The following DNAH7 variants were observed in gnomAD, a reference collection of about 807,000 sequenced individuals.
DNAH7 encodes dynein axonemal heavy chain 7.
DNAH7 carries 397 observed loss-of-function variants against 444.6 expected under a neutral mutation model. The observed-to-expected ratio is 0.89, with a 90% confidence interval of 0.82 to 0.97. The LOEUF (loss-of-function observed/expected upper bound fraction) is 0.97, where lower values mean the gene tolerates loss of function less well. DNAH7 is among the 50% of genes least tolerant of loss of function. The probability of loss-of-function intolerance (pLI) is 0.00; values close to 1 mark genes in which losing one functional copy is unlikely to be tolerated. For missense variants in DNAH7, 4,902 were observed against 4,800.8 expected (o/e 1.02, Z -0.62); for synonymous variants, 1,636 against 1,624.4 (o/e 1.01, Z -0.17).
chr2:196,012,288 C>T (rs1039162473), intron 10 of DNAH7, among the ~76,000 whole-genome samples: 11 of 152,092 alleles, frequency 7.2e-5, no homozygotes, highest in Non-Finnish European at 1.2e-4. Flanking sequence ...CTATTCCATT[C>T]CGAAAAGCCA....
chr2:195,939,835 G>A (rs1689301507), intron 19 of DNAH7, among the ~76,000 whole-genome samples: 1 of 151,438 alleles, frequency 6.6e-6, no homozygotes, highest in Non-Finnish European at 1.5e-5. Flanking sequence ...AAGTTTCATA[G>A]AAAATACGGT....
intron 5 of DNAH7, among the ~76,000 whole-genome samples, chr2:196,033,715 A>G (rs1161668593): frequency 1.3e-5 from 2 of 152,300 alleles, no homozygotes; most frequent in Non-Finnish European, 2.9e-5. Context: ...GGTTGATTAC[A>G]TAACTCAGCT....
intron 15 of DNAH7, among the ~76,000 whole-genome samples, chr2:195,974,662 T>C (rs543127681): frequency 2.3e-4 from 35 of 152,156 alleles, no homozygotes; most frequent in African/African-American, 8.2e-4. Context: ...ACTACATTTA[T>C]AATCATTCAT....
At chr2:195,822,064 T>C (rs929685423) in intron 49 of DNAH7, among the ~76,000 whole-genome samples, 4 of 152,210 alleles carry the variant, frequency 2.6e-5, no homozygotes, top group Non-Finnish European at 4.4e-5. Flanking sequence ...ATAGACTACA[T>C]AGATATAATC....
At chr2:196,021,308 C>T (rs891376638) in intron 8 of DNAH7, among the ~76,000 whole-genome samples, 5 of 152,202 alleles carry the variant, frequency 3.3e-5, no homozygotes, top group South Asian at 2.1e-4. Flanking sequence ...ATAAATGTAA[C>T]GTTAGGCTTA....
At chr2:195,902,256 C>A (rs967710528) in intron 27 of DNAH7, 5 of 151,980 alleles carry the variant, frequency 3.3e-5, no homozygotes, top group African/African-American at 1.2e-4. Flanking sequence ...TAGTTAGAGG[C>A]CATAGTGCTG....
intron 15 of DNAH7, among the ~76,000 whole-genome samples, chr2:195,983,376 A>G (rs1692699726): frequency 6.6e-6 from 1 of 152,172 alleles, no homozygotes; most frequent in Non-Finnish European, 1.5e-5. Flanking sequence ...TACAAGAAGC[A>G]TGGTGCCAGC....
chr2:195,857,817 C>G (rs10497771), intron 43 of DNAH7, 94 bp from the exon 44 acceptor site: 156,668 of 1,037,512 alleles, frequency 0.15, 13,187 homozygotes, highest in Middle Eastern at 0.23. Flanking sequence ...TACAGAAACT[C>G]ACTGTGTTCA....
At chr2:196,006,799 C>A (rs1694403798) in intron 10 of DNAH7, among the ~76,000 whole-genome samples, 1 of 151,868 alleles carries the variant, frequency 6.6e-6, no homozygotes, top group Admixed American at 6.6e-5. Context: ...ATTTACATAG[C>A]ATCAAGAAGA....
chr2:195,802,795 T>C (rs1696535594), intron 54 of DNAH7, among the ~76,000 whole-genome samples: 1 of 152,178 alleles, frequency 6.6e-6, no homozygotes, highest in Non-Finnish European at 1.5e-5. Flanking sequence ...TTTTAGGGTA[T>C]CCGTTACCCA....
Position 195,757,114 on chromosome 2 carries a change from C to T in DNAH7, c.11434-829G>A, listed in dbSNP as rs559126984. Among the ~76,000 whole-genome samples the T allele has an allele frequency of 1.1e-4, 17 of 152,234 alleles. No individual in the cohort carries two copies. The East Asian group carries it at 2.5e-3, about 22-fold the overall frequency. On this transcript the variant is annotated intron_variant, in intron 61 of 64. Transcript: ENST00000312428. ...AAGTGCTGGGATTAAAGGCATGAGC[C>T]ACTGCACCTGCACCTGAGCTAACCA...
At chr2:195,930,113 G>C (rs891517705) in intron 21 of DNAH7, among the ~76,000 whole-genome samples, 1 of 152,122 alleles carries the variant, frequency 6.6e-6, no homozygotes, top group African/African-American at 2.4e-5. Context: ...GGGAGGTCAA[G>C]ACAGGTGGAT....
chr2:195,815,743 C>G (rs1697186844), intron 51 of DNAH7, among the ~76,000 whole-genome samples: 1 of 152,206 alleles, frequency 6.6e-6, no homozygotes, highest in Non-Finnish European at 1.5e-5. Flanking sequence ...TGGCTCACGC[C>G]TGTAATCCCA....
In DNAH7 at chr2:195,906,677, T is replaced by A; in HGVS notation, c.4317A>T (p.Glu1439Asp). 6.2e-7 allele frequency: 1 copy of A among 1,613,038 alleles called. No homozygotes were observed. Residue 1439 changes from glutamate (E) to aspartate (D), a missense_variant, in exon 27 of 65, where the codon GAA (glutamate) becomes GAT (aspartate). Glu to Asp is a conservative substitution (Grantham distance 45). Coordinates refer to ENST00000312428, the MANE Select transcript of DNAH7 (RefSeq NM_018897.3). ...TCCATACCTTCAGGTTATCTGGCAG[T>A]TCTGATCGCCCAGCATACCCAGGGT... ...TMNPGYAGRS[E>D]LPDNLKALFR...
At chr2:196,062,710 A>G (rs775701400) in intron 1 of DNAH7, among the ~76,000 whole-genome samples, 1 of 151,978 alleles carries the variant, frequency 6.6e-6, no homozygotes, top group Non-Finnish European at 1.5e-5. Flanking sequence ...ATCTCCTTTC[A>G]CTTTATTGAA....
At chr2:195,906,611 T>C (rs769839531) in intron 27 of DNAH7, 48 bp downstream of exon 27, 8 of 1,569,396 alleles carry the variant, frequency 5.1e-6, no homozygotes, top group Non-Finnish European at 6.9e-6. Flanking sequence ...TATATTAACT[T>C]TGTAAATTAT....
Position 195,782,895 on chromosome 2 carries a change from G to GC in DNAH7, c.10878+4114dup, listed in dbSNP as rs1055374370. The stretch of plus-strand genomic sequence containing the variant: ...TTCTCTTCTTTTTCTACAGCACAAG[G>GC]CCCCCCCTTTAAATCTCATCTATTT... On this transcript the variant is annotated intron_variant, in intron 58 of 64. Coordinates refer to ENST00000312428, the MANE Select transcript of DNAH7 (RefSeq NM_018897.3). 2.0e-5 allele frequency among the ~76,000 whole-genome samples: 3 copies of GC among 152,006 alleles called. No homozygotes were observed. The East Asian group carries it at 5.8e-4, about 29-fold the overall frequency.
intron 57 of DNAH7, among the ~76,000 whole-genome samples, chr2:195,789,660 G>A (rs1483504640): frequency 6.6e-6 from 1 of 151,756 alleles, no homozygotes; most frequent in Non-Finnish European, 1.5e-5. Context: ...CATCAATGAG[G>A]GACAAATGGC....
intron 51 of DNAH7, 129 bp downstream of exon 51, chr2:195,816,498 AT>A (rs1697224510): frequency 3.0e-6 from 2 of 676,100 alleles, no homozygotes; most frequent in Non-Finnish European, 2.5e-6. Context: ...TGATACGATG[AT>A]TAATCAAGTT....
Sources: allele counts gnomAD v4.1 joint callset (sites outside exome capture counted in the v4.1 genomes callset), GRCh38; gene constraint gnomAD v4.1.1; transcripts MANE v1.5; gene names NCBI Gene and HGNC (gene_info 2026-07-23, HGNC 2026-07-21).